HSD3B1: variants seen among roughly 807,000 people sequenced by gnomAD.
HSD3B1 encodes hydroxy-delta-5-steroid dehydrogenase, 3 beta- and steroid delta-isomerase 1, also known as 3 beta-hydroxysteroid dehydrogenase/Delta 5-->4-isomerase type 1.
HSD3B1 carries 11 observed loss-of-function variants against 10.4 expected under a neutral mutation model. The observed-to-expected ratio is 1.05, with a 90% CI of 0.66 to 1.75. The LOEUF (loss-of-function observed/expected upper bound fraction) is 1.75, where lower values mean the gene tolerates loss of function less well. Ranked by LOEUF, HSD3B1 falls within the 40% of genes most tolerant of loss-of-function variation. The probability of loss-of-function intolerance (pLI) is 0.00; values close to 1 mark genes in which losing one functional copy is unlikely to be tolerated. For synonymous variants in HSD3B1, 217 were observed against 185.4 expected (o/e 1.17, Z -1.39); for missense variants, 490 against 454.5 (o/e 1.08, Z -0.71).
chr1:119,512,864 C>A (rs1393836951), intron 3 of HSD3B1, among the ~76,000 whole-genome samples: 1 of 152,194 alleles, frequency 6.6e-6, no homozygotes, highest in Non-Finnish European at 1.5e-5. Context: ...ATGAGGCTGT[C>A]TTTCCAGAAA....
At chr1:119,512,118 A>G (rs6428829) in intron 3 of HSD3B1, among the ~76,000 whole-genome samples, 119,473 of 152,150 alleles carry the variant, frequency 0.79, 47,554 homozygotes, top group East Asian at 0.92. Flanking sequence ...AGGCTGATGA[A>G]AACATTCAGA....
In HSD3B1 at chr1:119,514,391, C is replaced by T. The variant is rs587652041; in HGVS notation, c.868C>T (p.Leu290=). Residue 290 remains leucine, a synonymous_variant, in exon 4 of 4, where the codon CTG becomes TTG. Transcript: ENST00000369413. ...LDSRWSFPLS[L]MYWIGFLLEI... is the part of the protein sequence containing the mutation. ...TTCCAGATGGAGCTTTCCTTTATCC[C>T]TGATGTATTGGATTGGCTTCCTGCT... 30 of 1,614,146 alleles carry T rather than the reference C, an allele frequency of 1.9e-5. No individual in the cohort carries two copies. The South Asian group carries it at 3.3e-4, about 18-fold the overall frequency.
At chr1:119,510,280 G>C (rs1373257803) in intron 2 of HSD3B1, among the ~76,000 whole-genome samples, 1 of 152,182 alleles carries the variant, frequency 6.6e-6, no homozygotes, top group Non-Finnish European at 1.5e-5. Context: ...TAGTTCATTG[G>C]TGGTTAACTC....
chr1:119,511,514 A>C lies in HSD3B1; in HGVS notation c.157A>C (p.Lys53Gln), dbSNP rs1458994354. Reference sequence around the variant, plus strand: ...CTGTGTTCACACAGAACTCCAGAACAAGACCAAGCTGACAGTGCTGGAAGG... The same window carrying C: ...CTGTGTTCACACAGAACTCCAGAACCAGACCAAGCTGACAGTGCTGGAAGG... The part of the protein sequence containing the change: ...LREEFSKLQN[K>Q]TKLTVLEGDI... Residue 53 changes from lysine to glutamine, a missense_variant, in exon 3 of 4, where the codon AAG becomes CAG. Coordinates refer to ENST00000369413, the MANE Select transcript of HSD3B1 (RefSeq NM_000862.3). 6.2e-6 allele frequency: 10 copies of C among 1,613,718 alleles called. No individual in the cohort carries two copies. Among genetic ancestry groups the C allele is most frequent in the Non-Finnish European group, 8.5e-6 (10 of 1,179,790 alleles).
chr1:119,510,105 CAA>C (rs1251038053), intron 2 of HSD3B1, among the ~76,000 whole-genome samples: 1 of 152,140 alleles, frequency 6.6e-6, no homozygotes, highest in East Asian at 1.9e-4. Flanking sequence ...TGATAAAGCA[CAA>C]ACAAGTGTAG....
At chr1:119,507,705 T>TATTGAA (rs1653829163) in intron 2 of HSD3B1, 84 bp downstream of exon 2, 2 of 1,437,816 alleles carry the variant, frequency 1.4e-6, no homozygotes, top group Middle Eastern at 1.7e-4. Context: ...TCTAGCAAGT[T>TATTGAA]ATTGAAATTT....
rs1324199655 is a variant in HSD3B1, at chr1:119,514,435, A to G, written c.912A>G (p.Leu304=). The stretch of plus-strand genomic sequence containing the variant: ...TCCTGCTGGAAATAGTGAGCTTCCT[A>G]CTCAGGCCAATTTACACCTATCGAC... ...IGFLLEIVSF[L]LRPIYTYRPP... The change falls in exon 4 of 4, where the codon CTA becomes CTG. Residue 304 remains leucine (L), a synonymous_variant. Transcript: ENST00000369413. The G allele has an allele frequency of 1.9e-6, 3 of 1,613,848 alleles. No homozygotes were observed. The highest frequency in any genetic ancestry group is 2.5e-6 in the Non-Finnish European group (3 of 1,179,974).
At chr1:119,513,725 T>C (rs1444579827) in intron 3 of HSD3B1, 109 bp from the exon 4 acceptor site, 3 of 1,053,744 alleles carry the variant, frequency 2.8e-6, no homozygotes, top group East Asian at 2.4e-5. Context: ...CCTGAGTCTG[T>C]TACAACCACC....
chr1:119,513,852 A>T lies in HSD3B1; in HGVS notation c.329A>T (p.Glu110Val). 1 of 1,613,882 alleles carries T rather than the reference A, an allele frequency of 6.2e-7. No homozygotes were observed. Among genetic ancestry groups the T allele is most frequent in the Non-Finnish European group, 8.5e-7 (1 of 1,179,846 alleles). ...TGGACAGGTACCCAGCTCCTGTTAG[A>T]GGCCTGTGTCCAAGCTAGTGTGCCA... ...VNVKGTQLLL[E>V]ACVQASVPVF... The change falls in exon 4 of 4, where the codon GAG becomes GTG. Residue 110 changes from glutamate (E) to valine (V), a missense_variant. Transcript: ENST00000369413.
At chr1:119,508,166 G>GAGTCGGGGAGAGAT (rs1653842321) in intron 2 of HSD3B1, 1 of 155,296 alleles carries the variant, frequency 6.4e-6, no homozygotes, top group Admixed American at 6.3e-5. Flanking sequence ...GGGGGAGAGA[G>GAGTCGGGGAGAGAT]AGTCGGGGAG....
rs1654063158 is a variant in HSD3B1, at chr1:119,514,822, C to T, written c.*177C>T. On this transcript the variant is annotated 3_prime_UTR_variant, in exon 4 of 4. Coordinates refer to ENST00000369413, the MANE Select transcript of HSD3B1 (RefSeq NM_000862.3). ...CATCAAAACCTGCGCAGTCATTGGC[C>T]CAACAAGAAGGTTTCTGTCCTAATC... 1 of 698,942 alleles carries T rather than the reference C, an allele frequency of 1.4e-6. No homozygotes were observed. The highest frequency in any genetic ancestry group is 2.5e-6 in the Non-Finnish European group (1 of 406,752). 43.3% of individuals were successfully genotyped at this position (698,942 alleles called of 1,614,324 possible).
Position 119,507,522 on chromosome 1 carries a change from G to T in HSD3B1, c.46G>T (p.Gly16Ter). 6.2e-7 allele frequency: 1 copy of T among 1,613,940 alleles called. No homozygotes were observed. Among genetic ancestry groups the T allele is most frequent in the Non-Finnish European group, 8.5e-7 (1 of 1,179,922 alleles). ...CLVTGAGGFL[G>*]QRIIRLLVKE... is the part of the protein sequence containing the mutation. ...TGTGACAGGAGCAGGAGGGTTTCTG[G>T]GACAGAGGATCATCCGCCTCTTGGT... Residue 16 changes from glycine (G) to a stop codon, truncating the protein, a stop_gained, in exon 2 of 4, where the codon GGA (glycine) becomes TGA (stop). Coordinates refer to ENST00000369413, the MANE Select transcript of HSD3B1 (RefSeq NM_000862.3). LOFTEE classifies it high-confidence loss of function.
rs146559248 is a variant in HSD3B1 at position 119,511,603 on chromosome 1, C to A, written c.246C>A (p.Thr82=). The A allele has an allele frequency of 1.2e-6, 2 of 1,613,578 alleles. No homozygotes were observed. Among genetic ancestry groups the A allele is most frequent in the East Asian group, 2.2e-5 (1 of 44,864 alleles). ...ACQDVSVIIH[T]ACIIDVFGVT... ...AGGACGTCTCGGTCATCATCCACACCGCCTGTATCATTGATGTCTTCGGTG... is the reference window on the plus strand; with the variant it reads ...AGGACGTCTCGGTCATCATCCACACAGCCTGTATCATTGATGTCTTCGGTG... Residue 82 remains threonine, a synonymous_variant, in exon 3 of 4, where the codon ACC becomes ACA. Transcript: ENST00000369413.
chr1:119,507,989 T>C (rs752927908), intron 2 of HSD3B1: 3 of 241,320 alleles, frequency 1.2e-5, no homozygotes, highest in Non-Finnish European at 2.4e-5. Flanking sequence ...AAGGACACTA[T>C]TACCCTGGAG....
At position 119,507,467 on chromosome 1, in the gene HSD3B1, T is replaced by C. The variant is rs768785770; in HGVS notation, c.-10T>C. The C allele has an allele frequency of 1.1e-5, 17 of 1,613,428 alleles. No homozygotes were observed. The East Asian group carries it at 2.9e-4, about 28-fold the overall frequency. On this transcript the variant is annotated 5_prime_UTR_variant, in exon 2 of 4. Coordinates refer to ENST00000369413, the MANE Select transcript of HSD3B1 (RefSeq NM_000862.3). Reference sequence around the variant, plus strand: ...TTCCTGGTGAGTGATTCCTGCTACTTTGGATGGCCATGACGGGCTGGAGCT... The same window carrying C: ...TTCCTGGTGAGTGATTCCTGCTACTCTGGATGGCCATGACGGGCTGGAGCT...
intron 1 of HSD3B1, 52 bp from the exon 2 acceptor site, chr1:119,507,340 A>T (rs1289051441): frequency 3.7e-6 from 3 of 809,064 alleles, no homozygotes; most frequent in Non-Finnish European, 6.0e-6. Flanking sequence ...AATGGGGTGG[A>T]GGAAAATGAG....
intron 2 of HSD3B1, among the ~76,000 whole-genome samples, chr1:119,508,419 A>C (rs921577897): frequency 6.6e-6 from 1 of 152,088 alleles, no homozygotes; most frequent in Non-Finnish European, 1.5e-5. Flanking sequence ...CATCAAAAAG[A>C]AATTGACTGC....
rs777012447 is a variant in HSD3B1, at chr1:119,514,016, G to A, written c.493G>A (p.Ala165Thr). ...YPHSKKLAEKAVLAANGWNLK... is the reference protein window; with the variant it reads ...YPHSKKLAEKTVLAANGWNLK... ...ACACAGCAAAAAGCTTGCTGAGAAG[G>A]CTGTACTGGCGGCTAACGGGTGGAA... Residue 165 changes from alanine to threonine, a missense_variant, in exon 4 of 4, where the codon GCT becomes ACT. Coordinates refer to ENST00000369413, the MANE Select transcript of HSD3B1 (RefSeq NM_000862.3). 6.2e-7 allele frequency: 1 copy of A among 1,614,114 alleles called. No individual in the cohort carries two copies. Among genetic ancestry groups the A allele is most frequent in the Non-Finnish European group, 8.5e-7 (1 of 1,180,002 alleles).
intron 3 of HSD3B1, among the ~76,000 whole-genome samples, chr1:119,513,435 C>A (rs1653992812): frequency 6.6e-6 from 1 of 152,180 alleles, no homozygotes; most frequent in Non-Finnish European, 1.5e-5. Flanking sequence ...TGTCCATATT[C>A]ACAGAGTATA....
Sources: allele counts gnomAD v4.1 joint callset (sites outside exome capture counted in the v4.1 genomes callset), GRCh38; gene constraint gnomAD v4.1.1; transcripts MANE v1.5; gene names NCBI Gene and HGNC (gene_info 2026-07-23, HGNC 2026-07-21).